The following PPM1L variants were observed in gnomAD, a reference collection of about 807,000 sequenced individuals.
PPM1L encodes protein phosphatase 1L.
PPM1L carries 13 observed loss-of-function variants against 31.4 expected under a neutral mutation model. The observed-to-expected ratio is 0.41, with a 90% confidence interval of 0.27 to 0.66. The LOEUF (loss-of-function observed/expected upper bound fraction) is 0.66. PPM1L is among the 30% of genes least tolerant of loss of function. The pLI is 0.29. For synonymous variants in PPM1L, 184 were observed against 175.4 expected (o/e 1.05, Z -0.39); for missense variants, 326 against 453.7 (o/e 0.72, Z 2.56).
At chr3:161,039,610 C>CAA (rs1230195034) in intron 2 of PPM1L, among the ~76,000 whole-genome samples, 13 of 152,206 alleles carry the variant, frequency 8.5e-5, no homozygotes, top group Middle Eastern at 3.4e-3. Context: ...GCAAGCTCTG[C>CAA]CTCCCGGTTT....
At chr3:160,891,277 A>G (rs1318967402) in intron 1 of PPM1L, among the ~76,000 whole-genome samples, 1 of 152,090 alleles carries the variant, frequency 6.6e-6, no homozygotes, top group Admixed American at 6.6e-5. Flanking sequence ...ACAAATTTAC[A>G]AAGAAAATTT....
rs754780967 is a variant in PPM1L, at chr3:160,815,166, A to AAG, written c.399+58473_399+58474dup. ...TCCCCAAAAACTATTGAAATTAAAA[A>AAG]AGAGAGAGAGAGAGAAAAAAGTGAG... On this transcript the variant is annotated intron_variant, in intron 1 of 3. Transcript: ENST00000498165. 3.4e-4 allele frequency among the ~76,000 whole-genome samples: 52 copies of AAG among 152,044 alleles called. No individual in the cohort carries two copies. The South Asian group carries it at 4.0e-3, about 12-fold the overall frequency.
rs537297538 is a variant in PPM1L at position 161,062,728 on chromosome 3, C to A, written c.575-2675C>A. On this transcript the variant is annotated intron_variant, in intron 2 of 3. Transcript: ENST00000498165. Reference sequence around the variant, plus strand: ...TCTTGCGTGGCAGCTGACTTGTTAGCTGTTAACACGTGGAAGCAGAGCTGT... The same window carrying A: ...TCTTGCGTGGCAGCTGACTTGTTAGATGTTAACACGTGGAAGCAGAGCTGT... Among the ~76,000 whole-genome samples, 5 of 152,324 alleles carry A rather than the reference C, an allele frequency of 3.3e-5. No homozygotes were observed. The East Asian group carries it at 9.6e-4, about 29-fold the overall frequency.
chr3:160,835,641 C>G (rs186150270), intron 1 of PPM1L, among the ~76,000 whole-genome samples: 1 of 152,098 alleles, frequency 6.6e-6, no homozygotes, highest in African/African-American at 2.4e-5. Flanking sequence ...TCCTCTCTAC[C>G]ACAGACTTCT....
intron 2 of PPM1L, among the ~76,000 whole-genome samples, chr3:161,063,680 A>G (rs1719641723): frequency 6.6e-6 from 1 of 152,210 alleles, no homozygotes; most frequent in African/African-American, 2.4e-5. Flanking sequence ...TATATACCCA[A>G]AGGATTATAA....
rs182198820 is a variant in PPM1L at position 160,940,212 on chromosome 3, C to T, written c.400-21524C>T. On this transcript the variant is annotated intron_variant, in intron 1 of 3. Transcript: ENST00000498165. ...GAGGTGACTTGGGTACTGTTAAAGG[C>T]ATTCAGTTTTATAAGGGAAGCAGAG... Among the ~76,000 whole-genome samples the T allele has an allele frequency of 2.6e-5, 4 of 152,220 alleles. No individual in the cohort carries two copies. In the East Asian group the frequency reaches 7.7e-4, roughly 29 times the overall value.
intron 1 of PPM1L, among the ~76,000 whole-genome samples, chr3:160,889,311 C>T (rs534664043): frequency 2.6e-4 from 39 of 152,004 alleles, no homozygotes; most frequent in Admixed American, 5.9e-4. Flanking sequence ...AAAATGATAA[C>T]GGGGATATCA....
chr3:161,061,718 A>G (rs936977161), intron 2 of PPM1L, among the ~76,000 whole-genome samples: 2 of 152,206 alleles, frequency 1.3e-5, no homozygotes, highest in African/African-American at 2.4e-5. Flanking sequence ...GCCATTTTAT[A>G]TAAGGGACTT....
intron 2 of PPM1L, among the ~76,000 whole-genome samples, chr3:161,001,409 A>C (rs1717478151): frequency 6.6e-6 from 1 of 152,062 alleles, no homozygotes; most frequent in African/African-American, 2.4e-5. Context: ...CAGCCTCCCG[A>C]GTAGTTGGGA....
intron 1 of PPM1L, among the ~76,000 whole-genome samples, chr3:160,820,219 G>A (rs920861585): frequency 6.6e-6 from 1 of 152,058 alleles, no homozygotes; most frequent in African/African-American, 2.4e-5. Context: ...TCATGGCATG[G>A]AGTTATTATT....
intron 1 of PPM1L, among the ~76,000 whole-genome samples, chr3:160,852,061 G>T (rs945385677): frequency 1.4e-4 from 22 of 152,124 alleles, no homozygotes; most frequent in Non-Finnish European, 1.5e-4. Flanking sequence ...AATCTTCAGG[G>T]CGAATGAAGA....
chr3:160,943,709 A>G, intron 1 of PPM1L, among the ~76,000 whole-genome samples: 1 of 152,178 alleles, frequency 6.6e-6, no homozygotes, highest in East Asian at 1.9e-4. Context: ...GTAGAAATTC[A>G]GTGCAAAAAT....
At chr3:160,878,297 A>G (rs937283590) in intron 1 of PPM1L, among the ~76,000 whole-genome samples, 5 of 152,206 alleles carry the variant, frequency 3.3e-5, no homozygotes, top group Non-Finnish European at 1.5e-5. Context: ...ATATCAGTCC[A>G]CTTGGGATGC....
intron 1 of PPM1L, among the ~76,000 whole-genome samples, chr3:160,793,694 T>C (rs893927132): frequency 6.6e-6 from 1 of 152,192 alleles, no homozygotes; most frequent in African/African-American, 2.4e-5. Flanking sequence ...TGAAAAGGAA[T>C]TTGAATGAAA....
chr3:161,020,496 C>A (rs1317189086), intron 2 of PPM1L, among the ~76,000 whole-genome samples: 3 of 152,156 alleles, frequency 2.0e-5, no homozygotes, highest in Admixed American at 1.3e-4. Context: ...AGTTGCTAAA[C>A]CTTATCAACT....
In PPM1L at chr3:161,069,890, T is replaced by C. The variant is rs1474623293; in HGVS notation, c.*733T>C. On this transcript the variant is annotated 3_prime_UTR_variant, in exon 4 of 4. Coordinates refer to ENST00000498165, the MANE Select transcript of PPM1L (RefSeq NM_139245.4). ...CTAATCATGCATGACCGTTAACCTT[T>C]TGCTTAGTCCTTACCATATGTAATA... 1 of 152,264 alleles carries C rather than the reference T, an allele frequency of 6.6e-6. No homozygotes were observed. The highest frequency in any genetic ancestry group is 1.5e-5 in the Non-Finnish European group (1 of 68,070). The allele number at this position is 152,264 out of a possible 1,614,324, so 9.4% of individuals were successfully genotyped here.
At chr3:160,866,694 AAGACAATTAACT>A (rs1489274692) in intron 1 of PPM1L, among the ~76,000 whole-genome samples, 8 of 152,176 alleles carry the variant, frequency 5.3e-5, no homozygotes, top group Admixed American at 4.6e-4. Context: ...CATCTCTCCT[AAGACAATTAACT>A]CATTCCCCCA....
intron 2 of PPM1L, among the ~76,000 whole-genome samples, chr3:161,031,222 A>G (rs1303256898): frequency 6.6e-6 from 1 of 152,208 alleles, no homozygotes; most frequent in Non-Finnish European, 1.5e-5. Context: ...CAGAAAATTC[A>G]TGAAGATACC....
chr3:160,809,621 T>C (rs1176200547), intron 1 of PPM1L, among the ~76,000 whole-genome samples: 1 of 152,092 alleles, frequency 6.6e-6, no homozygotes, highest in Non-Finnish European at 1.5e-5. Flanking sequence ...GGAGCTGACT[T>C]TGTGAAGGTT....
Sources: allele counts gnomAD v4.1 joint callset (sites outside exome capture counted in the v4.1 genomes callset), GRCh38; gene constraint gnomAD v4.1.1; transcripts MANE v1.5; gene names NCBI Gene and HGNC (gene_info 2026-07-23, HGNC 2026-07-21).